The following RAPGEF4 variants were observed in gnomAD, a reference collection of about 807,000 sequenced individuals.
The protein encoded by RAPGEF4 is Rap guanine nucleotide exchange factor 4, also known as RAP guanine-nucleotide-exchange factor (GEF) 4.
In RAPGEF4, 66 loss-of-function variants were observed where a neutral mutation model predicts 147.9. That is an observed-to-expected ratio of 0.45 (90% CI 0.37 to 0.55). RAPGEF4 has a LOEUF of 0.55. Ranked by LOEUF, RAPGEF4 falls within the 20% of genes least tolerant of loss-of-function variation. The pLI, the probability that RAPGEF4 is intolerant of heterozygous loss-of-function variation, is 0.00. For missense variants in RAPGEF4, 1,071 were observed against 1,257.3 expected (o/e 0.85, Z 2.24); for synonymous variants, 419 against 442.7 (o/e 0.95, Z 0.67).
At chr2:172,875,258 C>T (rs1695763091) in intron 4 of RAPGEF4, among the ~76,000 whole-genome samples, 1 of 152,122 alleles carries the variant, frequency 6.6e-6, no homozygotes, top group Non-Finnish European at 1.5e-5. Flanking sequence ...TTAATTAGAT[C>T]CCATTTGTCA....
At chr2:172,837,421 C>T (rs576571426) in intron 4 of RAPGEF4, among the ~76,000 whole-genome samples, 4 of 152,248 alleles carry the variant, frequency 2.6e-5, no homozygotes, top group African/African-American at 9.6e-5. Context: ...GACTTCAAAA[C>T]TTGTGATTTG....
intron 4 of RAPGEF4, among the ~76,000 whole-genome samples, chr2:172,904,888 G>C (rs1699460359): frequency 6.6e-6 from 1 of 151,922 alleles, no homozygotes; most frequent in Non-Finnish European, 1.5e-5. Context: ...ACACCCATCT[G>C]TTCTTGTCAC....
intron 3 of RAPGEF4, among the ~76,000 whole-genome samples, chr2:172,804,371 G>A (rs1262517658): frequency 6.6e-6 from 1 of 152,122 alleles, no homozygotes; most frequent in African/African-American, 2.4e-5. Context: ...TTGAATACTG[G>A]GTTGAGGGTC....
intron 6 of RAPGEF4, among the ~76,000 whole-genome samples, chr2:172,937,877 T>G (rs1575308201): frequency 6.6e-6 from 1 of 152,166 alleles, no homozygotes; most frequent in Admixed American, 6.5e-5. Flanking sequence ...CCATATTAAT[T>G]TTATTGCTCA....
At chr2:172,878,975 G>C (rs1045075465) in intron 4 of RAPGEF4, among the ~76,000 whole-genome samples, 1 of 152,108 alleles carries the variant, frequency 6.6e-6, no homozygotes, top group African/African-American at 2.4e-5. Flanking sequence ...GCAAATATTA[G>C]TTACATTTTG....
intron 1 of RAPGEF4, among the ~76,000 whole-genome samples, chr2:172,762,830 G>A (rs1225668867): frequency 3.3e-5 from 5 of 152,160 alleles, no homozygotes; most frequent in Admixed American, 6.5e-5. Flanking sequence ...GGGAAGTGGC[G>A]AGTGGGGCCA....
chr2:172,762,877 G>A (rs1381015052), intron 1 of RAPGEF4, among the ~76,000 whole-genome samples: 1 of 152,192 alleles, frequency 6.6e-6, no homozygotes, highest in Non-Finnish European at 1.5e-5. Context: ...CAAGGCCTCT[G>A]CTCTGAGTGA....
intron 1 of RAPGEF4, among the ~76,000 whole-genome samples, chr2:172,738,802 A>G (rs1228921575): frequency 2.0e-5 from 3 of 152,156 alleles, no homozygotes; most frequent in Non-Finnish European, 4.4e-5. Context: ...TCAAGTGACA[A>G]CTGTTGTGGA....
intron 1 of RAPGEF4, among the ~76,000 whole-genome samples, chr2:172,783,244 G>A (rs574458927): frequency 9.9e-5 from 15 of 152,134 alleles, no homozygotes; most frequent in Non-Finnish European, 1.6e-4. Flanking sequence ...CAGAGTGGTC[G>A]GGGAGGTGGA....
chr2:172,826,614 C>A (rs897418499), intron 4 of RAPGEF4, among the ~76,000 whole-genome samples: 1 of 152,140 alleles, frequency 6.6e-6, no homozygotes, highest in Non-Finnish European at 1.5e-5. Context: ...AGAGATACAC[C>A]TGTTCCCAGG....
chr2:172,926,466 C>T (rs150494108), intron 6 of RAPGEF4, among the ~76,000 whole-genome samples: 70 of 152,310 alleles, frequency 4.6e-4, no homozygotes, highest in Middle Eastern at 3.4e-3. Context: ...GAAGTAGACT[C>T]ACGGAGATAT....
chr2:172,885,688 G>C (rs950045819), intron 4 of RAPGEF4, among the ~76,000 whole-genome samples: 1 of 152,074 alleles, frequency 6.6e-6, no homozygotes, highest in Non-Finnish European at 1.5e-5. Context: ...AGTATGGGAG[G>C]AACCGCCCCC....
At chr2:172,910,183 G>A (rs1049478022) in intron 4 of RAPGEF4, among the ~76,000 whole-genome samples, 1 of 152,204 alleles carries the variant, frequency 6.6e-6, no homozygotes, top group African/African-American at 2.4e-5. Flanking sequence ...TCTATTTTAG[G>A]CCACATAGAC....
chr2:172,811,588 A>C (rs1170351192), intron 3 of RAPGEF4, among the ~76,000 whole-genome samples: 5 of 152,228 alleles, frequency 3.3e-5, no homozygotes, highest in Non-Finnish European at 5.9e-5. Context: ...AGTATGTATA[A>C]GCGTAAAAGA....
chr2:172,932,299 ATTG>A (rs911020535), intron 6 of RAPGEF4, among the ~76,000 whole-genome samples: 22 of 152,166 alleles, frequency 1.4e-4, no homozygotes, highest in African/African-American at 5.3e-4. Context: ...ATTCTCACAT[ATTG>A]TTGATATTTG....
chr2:173,015,998 C>T (rs1206788089), intron 18 of RAPGEF4, among the ~76,000 whole-genome samples: 1 of 152,136 alleles, frequency 6.6e-6, no homozygotes, highest in Non-Finnish European at 1.5e-5. Context: ...ATCATATAAA[C>T]AGTTCACCTG....
intron 17 of RAPGEF4, among the ~76,000 whole-genome samples, chr2:173,012,315 A>T (rs890154629): frequency 2.0e-5 from 3 of 152,086 alleles, no homozygotes; most frequent in African/African-American, 7.2e-5. Flanking sequence ...TTTGACACAT[A>T]CCGTACTCAG....
chr2:172,949,710 A>G (rs1256079631), intron 6 of RAPGEF4, among the ~76,000 whole-genome samples: 1 of 152,242 alleles, frequency 6.6e-6, no homozygotes, highest in African/African-American at 2.4e-5. Context: ...ATTTACCAGA[A>G]TAGTGTCCTT....
At chr2:173,031,145 T>G (rs1340487275) in intron 26 of RAPGEF4, among the ~76,000 whole-genome samples, 1 of 152,216 alleles carries the variant, frequency 6.6e-6, no homozygotes, top group Non-Finnish European at 1.5e-5. Context: ...CCCCATGTCC[T>G]TCTTGCAATG....
Sources: allele counts gnomAD v4.1 joint callset (sites outside exome capture counted in the v4.1 genomes callset), GRCh38; gene constraint gnomAD v4.1.1; transcripts MANE v1.5; gene names NCBI Gene and HGNC (gene_info 2026-07-23, HGNC 2026-07-21).